Variants in BAZ2B observed in about 807,000 individuals in gnomAD.
BAZ2B encodes bromodomain adjacent to zinc finger domain protein 2B.
Under a neutral mutation model 246.0 loss-of-function variants are expected in BAZ2B, and 91 were observed. The ratio of observed to expected loss-of-function variants is 0.37; its 90% confidence interval spans 0.31 to 0.44. The LOEUF is 0.44. BAZ2B is among the 20% of genes least tolerant of loss of function. BAZ2B has a pLI of 1.00. For synonymous variants in BAZ2B, 855 were observed against 860.0 expected (o/e 0.99, Z 0.10); for missense variants, 2,332 against 2,533.7 (o/e 0.92, Z 1.71).
rs772831521 is a variant in BAZ2B, at chr2:159,386,446, T to C, written c.3378A>G (p.Leu1126=). The C allele has an allele frequency of 6.2e-7, 1 of 1,613,666 alleles. No homozygotes were observed. The highest frequency in any genetic ancestry group is 8.5e-7 in the Non-Finnish European group (1 of 1,179,776). The change falls in exon 22 of 37, where the codon CTA becomes CTG. Residue 1126 remains leucine, a synonymous_variant. Transcript: ENST00000392783. ...CTTCACCCATGCTGTCCCCTATATTTAGCAATCCCTCTTGAAGAACACTCA... is the reference window on the plus strand; with the variant it reads ...CTTCACCCATGCTGTCCCCTATATTCAGCAATCCCTCTTGAAGAACACTCA... ...PNLSVLQEGL[L]NIGDSMGEVQ...
chr2:159,396,120 T>C (rs945481811), intron 19 of BAZ2B: 2 of 227,418 alleles, frequency 8.8e-6, no homozygotes, highest in Admixed American at 5.7e-5. Flanking sequence ...TCAGTTGTGA[T>C]GCTCCTTCAA....
chr2:159,352,649 G>T (rs925380334), intron 27 of BAZ2B, among the ~76,000 whole-genome samples: 11 of 152,008 alleles, frequency 7.2e-5, no homozygotes, highest in African/African-American at 2.4e-4. Flanking sequence ...CCATGTCCAA[G>T]TAATTTTTGT....
the BAZ2B span, among the ~76,000 whole-genome samples, chr2:159,671,349 T>C: frequency 6.6e-6 from 1 of 152,164 alleles, no homozygotes; most frequent in African/African-American, 2.4e-5. Context: ...AAAAAATGCA[T>C]GCAAGGGTGA....
chr2:159,618,769 T>G (rs1381184319), upstream of BAZ2B, among the ~76,000 whole-genome samples: 1 of 152,152 alleles, frequency 6.6e-6, no homozygotes, highest in African/African-American at 2.4e-5. Flanking sequence ...GAAAAAGTGC[T>G]AGATTCAAGT....
rs752240721 is a variant in BAZ2B at position 159,336,954 on chromosome 2, T to A, written c.5784A>T (p.Ser1928=). The change falls in exon 33 of 37, where the codon TCA becomes TCT. Residue 1928 remains serine, a synonymous_variant. Transcript: ENST00000392783. ...TAAAAACACTTACAACTTTCATAAT[T>A]GATTTTTCCCATGCTATTGATTTCT... is the stretch of plus-strand genomic sequence containing the variant. ...QLQKSIAWEK[S]IMKVYCQICR... The A allele has an allele frequency of 5.0e-5, 80 of 1,602,080 alleles. No homozygotes were observed. The highest frequency in any genetic ancestry group is 6.2e-5 in the Non-Finnish European group (73 of 1,172,976).
intron 21 of BAZ2B, among the ~76,000 whole-genome samples, chr2:159,387,989 C>G (rs2062836248): frequency 6.6e-6 from 1 of 151,916 alleles, no homozygotes; most frequent in Non-Finnish European, 1.5e-5. Flanking sequence ...TTCTAGAGTA[C>G]TAAAAGTTTT....
At chr2:159,602,514 T>C (rs1459745516) in intron 1 of BAZ2B, among the ~76,000 whole-genome samples, 1 of 152,216 alleles carries the variant, frequency 6.6e-6, no homozygotes, top group Non-Finnish European at 1.5e-5. Flanking sequence ...TTTTATTATT[T>C]ATGCTGTAGG....
Position 159,412,460 on chromosome 2 carries a change from G to A in BAZ2B, c.2552C>T (p.Pro851Leu). The change falls in exon 14 of 37, where the codon CCA (proline) becomes CTA (leucine). Residue 851 changes from proline (P) to leucine (L), a missense_variant. Pro to Leu is a moderately conservative substitution (Grantham distance 98, BLOSUM62 -3). Around this residue, in one of 9 missense-constraint regions of BAZ2B, gnomAD observed 651 missense variants for 650.9 expected, o/e 1.00. Transcript: ENST00000392783. The stretch of plus-strand genomic sequence containing the variant: ...TTCCTCTCTTGCTCGTTGTCTATCT[G>A]GATTTGGTGGTCTTCCTCTACGACC... ...MEGRRGRPPN[P>L]DRQRAREESR... is the part of the protein sequence containing the mutation. 6.2e-7 allele frequency: 1 copy of A among 1,614,054 alleles called. No homozygotes were observed.
chr2:159,443,464 C>G (rs1296819266), intron 6 of BAZ2B, among the ~76,000 whole-genome samples: 1 of 151,964 alleles, frequency 6.6e-6, no homozygotes, highest in Non-Finnish European at 1.5e-5. Context: ...TTTCAAACTA[C>G]ATGTGAAAAG....
At chr2:159,561,180 C>T (rs1341079166) in intron 1 of BAZ2B, among the ~76,000 whole-genome samples, 1 of 152,140 alleles carries the variant, frequency 6.6e-6, no homozygotes, top group Non-Finnish European at 1.5e-5. Flanking sequence ...GTGTTTGGGT[C>T]ATGGGGGTGG....
the BAZ2B span, among the ~76,000 whole-genome samples, chr2:159,631,151 G>A: frequency 2.0e-5 from 3 of 152,124 alleles, no homozygotes; most frequent in African/African-American, 7.2e-5. Context: ...AGCCATGATT[G>A]TGCCACTGCA....
chr2:159,654,543 C>T, the BAZ2B span, among the ~76,000 whole-genome samples: 1 of 151,924 alleles, frequency 6.6e-6, no homozygotes, highest in Non-Finnish European at 1.5e-5. Flanking sequence ...GCACTAAGAG[C>T]ACAATTTGCT....
At chr2:159,634,393 G>A in the BAZ2B span, among the ~76,000 whole-genome samples, 1 of 152,156 alleles carries the variant, frequency 6.6e-6, no homozygotes, top group Non-Finnish European at 1.5e-5. Flanking sequence ...CCCCTTACAT[G>A]AACCGCATGT....
chr2:159,382,872 A>T (rs573690652), intron 24 of BAZ2B, 70 bp from the exon 25 acceptor site: 2 of 1,531,662 alleles, frequency 1.3e-6, no homozygotes, highest in African/African-American at 2.8e-5. Flanking sequence ...AGAGCAAAAC[A>T]TGAGTTGTAT....
the BAZ2B span, among the ~76,000 whole-genome samples, chr2:159,651,891 T>C: frequency 0.06 from 9,134 of 152,276 alleles, 325 homozygotes; most frequent in East Asian, 0.14. Context: ...TTCTGCTTCA[T>C]TGCTGAATAA....
chr2:159,464,786 T>G (rs557011876), intron 3 of BAZ2B: 7 of 152,340 alleles, frequency 4.6e-5, no homozygotes, highest in African/African-American at 1.7e-4. Flanking sequence ...TTAGAGTTCA[T>G]AGATTAAAAT....
intron 1 of BAZ2B, among the ~76,000 whole-genome samples, chr2:159,591,077 G>A (rs1689287998): frequency 6.6e-6 from 1 of 151,998 alleles, no homozygotes; most frequent in Non-Finnish European, 1.5e-5. Context: ...GTCCACAGTG[G>A]GCTGACATGA....
upstream of BAZ2B, chr2:159,617,208 C>A (rs1179527137): frequency 6.6e-6 from 1 of 151,982 alleles, no homozygotes; most frequent in East Asian, 1.9e-4. Flanking sequence ...TTTTAAAAAT[C>A]AAGTTATGAG....
chr2:159,433,993 A>G (rs2071636604), intron 8 of BAZ2B: 1 of 152,336 alleles, frequency 6.6e-6, no homozygotes, highest in Admixed American at 6.5e-5. Context: ...TCAACACAGT[A>G]AACTGTAGAG....
Sources: gnomAD v4.1 joint callset for allele counts (sites outside exome capture counted in the v4.1 genomes callset) on GRCh38, gnomAD v4.1.1 for gene constraint, gnomAD v4.1.1 regional missense constraint, MANE v1.5 for transcripts, NCBI Gene and HGNC (gene_info 2026-07-23, HGNC 2026-07-21) for gene names.